FAM13C: variants seen among roughly 807,000 people sequenced by gnomAD.
FAM13C encodes the protein family with sequence similarity 13 member C.
FAM13C carries 37 observed loss-of-function variants against 73.2 expected under a neutral mutation model. The ratio of observed to expected loss-of-function variants is 0.51; its 90% CI spans 0.39 to 0.67. The LOEUF (loss-of-function observed/expected upper bound fraction) is 0.67, where lower values mean the gene tolerates loss of function less well. FAM13C is among the 30% of genes least tolerant of loss of function. The pLI is 0.00. For synonymous variants in FAM13C, 246 were observed against 260.9 expected (o/e 0.94, Z 0.55); for missense variants, 589 against 715.6 (o/e 0.82, Z 2.02).
intron 3 of FAM13C, among the ~76,000 whole-genome samples, chr10:59,349,738 G>A (rs746345155): frequency 3.3e-5 from 5 of 152,122 alleles, no homozygotes; most frequent in Non-Finnish European, 5.9e-5. Flanking sequence ...ACTCCAGCCT[G>A]GGTGACAGAG....
At chr10:59,357,528 TTGAG>T (rs1382928722) in intron 1 of FAM13C, among the ~76,000 whole-genome samples, 1 of 152,238 alleles carries the variant, frequency 6.6e-6, no homozygotes, top group East Asian at 1.9e-4. Context: ...CCAGCATTTA[TTGAG>T]TATTTACTGA....
At chr10:59,331,578 A>T (rs148624693) in intron 3 of FAM13C, among the ~76,000 whole-genome samples, 1 of 152,286 alleles carries the variant, frequency 6.6e-6, no homozygotes, top group Non-Finnish European at 1.5e-5. Context: ...TATTATAAGT[A>T]AGGCATGTTC....
chr10:59,269,849 T>C, intron 7 of FAM13C, 50 bp downstream of exon 7: 1 of 1,584,552 alleles, frequency 6.3e-7, no homozygotes. Context: ...ATAAATGTGG[T>C]ATTTGAAAAA....
intron 8 of FAM13C, among the ~76,000 whole-genome samples, chr10:59,266,834 T>G (rs1369487128): frequency 6.6e-6 from 1 of 152,180 alleles, no homozygotes; most frequent in African/African-American, 2.4e-5. Flanking sequence ...ACATGTACAA[T>G]TTTCCTTTAT....
At chr10:59,310,031 A>G (rs1848739028) in intron 4 of FAM13C, among the ~76,000 whole-genome samples, 1 of 152,212 alleles carries the variant, frequency 6.6e-6, no homozygotes, top group Admixed American at 6.5e-5. Flanking sequence ...GAGATCTATG[A>G]AAGATTAATT....
chr10:59,280,358 A>G (rs1399550644), intron 6 of FAM13C, among the ~76,000 whole-genome samples: 4 of 152,042 alleles, frequency 2.6e-5, no homozygotes, highest in Non-Finnish European at 4.4e-5. Context: ...CTATATCCCC[A>G]TCCCACTCAC....
At chr10:59,316,302 C>A in intron 4 of FAM13C, among the ~76,000 whole-genome samples, 1 of 152,152 alleles carries the variant, frequency 6.6e-6, no homozygotes, top group African/African-American at 2.4e-5. Context: ...GCCTAGACAA[C>A]TTTGACTTTT....
rs1050473263 is a variant in FAM13C, at chr10:59,352,367, A to C, written c.227T>G (p.Val76Gly). Residue 76 changes from valine to glycine, a missense_variant, in exon 3 of 14, where the codon GTG (valine) becomes GGG (glycine). Transcript: ENST00000618804. ...QQQNVEATVL[V>G]DSVLRPSMGN... ...CATGCTGGGTCGCAATACGCTGTCC[A>C]CCAGCACGGTCGCCTCTACATTCTG... 1 of 1,614,058 alleles carries C rather than the reference A, an allele frequency of 6.2e-7. No individual in the cohort carries two copies. The highest frequency in any genetic ancestry group is 8.5e-7 in the Non-Finnish European group (1 of 1,180,056).
intron 3 of FAM13C, among the ~76,000 whole-genome samples, chr10:59,332,733 C>T (rs56010907): frequency 0.014 from 2,057 of 152,234 alleles, 57 homozygotes; most frequent in African/African-American, 0.047. Flanking sequence ...TTAAATGGAA[C>T]AACTGGAGCA....
Position 59,262,515 on chromosome 10 carries a change from G to A in FAM13C, c.1155C>T (p.Ser385=). 1.2e-6 allele frequency: 2 copies of A among 1,613,744 alleles called. No individual in the cohort carries two copies. Among genetic ancestry groups the A allele is most frequent in the East Asian group, 2.2e-5 (1 of 44,870 alleles). Residue 385 remains serine (S), a synonymous_variant, in exon 10 of 14, where the codon TCC becomes TCT. Coordinates refer to ENST00000618804, the MANE Select transcript of FAM13C (RefSeq NM_198215.4). The part of the protein sequence containing the change: ...KPEAAGPEPS[S]SGEETPDAAL... ...CAGCATCTGGAGTCTCTTCTCCAGA[G>A]GAGCTTGGCTCCGGGCCCGCAGCTT...
At chr10:59,306,265 G>A (rs1848236699) in intron 4 of FAM13C, among the ~76,000 whole-genome samples, 1 of 152,170 alleles carries the variant, frequency 6.6e-6, no homozygotes, top group Non-Finnish European at 1.5e-5. Context: ...GTATATATTA[G>A]TGAGATATAG....
chr10:59,313,199 T>C (rs1322806602), intron 4 of FAM13C, among the ~76,000 whole-genome samples: 3 of 152,210 alleles, frequency 2.0e-5, no homozygotes, highest in Non-Finnish European at 4.4e-5. Flanking sequence ...CAGAAATCCA[T>C]GGACTAGGCC....
At chr10:59,308,310 C>A (rs1472439157) in intron 4 of FAM13C, among the ~76,000 whole-genome samples, 2 of 152,126 alleles carry the variant, frequency 1.3e-5, no homozygotes, top group East Asian at 3.9e-4. Context: ...ATCACCACCA[C>A]TACTACCACC....
At chr10:59,292,726 C>G (rs930735940) in intron 5 of FAM13C, among the ~76,000 whole-genome samples, 1 of 152,168 alleles carries the variant, frequency 6.6e-6, no homozygotes, top group African/African-American at 2.4e-5. Flanking sequence ...TGAATTGACA[C>G]ATAATAATTA....
chr10:59,304,094 G>A (rs936638401), intron 4 of FAM13C, among the ~76,000 whole-genome samples: 12 of 152,158 alleles, frequency 7.9e-5, no homozygotes, highest in African/African-American at 2.9e-4. Context: ...GTTGCAATAA[G>A]CTGAGATTGC....
At chr10:59,341,675 G>T (rs1485532809) in intron 3 of FAM13C, among the ~76,000 whole-genome samples, 1 of 151,982 alleles carries the variant, frequency 6.6e-6, no homozygotes, top group Non-Finnish European at 1.5e-5. Context: ...GGCAACAAGA[G>T]CAAAACTCCT....
At chr10:59,310,393 G>A (rs1489441640) in intron 4 of FAM13C, among the ~76,000 whole-genome samples, 4 of 152,162 alleles carry the variant, frequency 2.6e-5, no homozygotes, top group Non-Finnish European at 4.4e-5. Flanking sequence ...ACACAGACAA[G>A]ATGCCAATAA....
intron 5 of FAM13C, among the ~76,000 whole-genome samples, chr10:59,287,648 C>G (rs991767977): frequency 1.7e-4 from 26 of 152,134 alleles, no homozygotes; most frequent in African/African-American, 5.1e-4. Flanking sequence ...TATTCTGGGC[C>G]TTAATGTCCT....
chr10:59,264,311 T>C (rs1374625552), intron 8 of FAM13C, 145 bp from the exon 9 acceptor site: 2 of 614,900 alleles, frequency 3.3e-6, no homozygotes, highest in Non-Finnish European at 5.7e-6. Flanking sequence ...GGAGAGAAAT[T>C]CGGGTGTGAA....
Sources: gnomAD v4.1 joint callset for allele counts (sites outside exome capture counted in the v4.1 genomes callset) on GRCh38, gnomAD v4.1.1 for gene constraint, MANE v1.5 for transcripts, NCBI Gene and HGNC (gene_info 2026-07-23, HGNC 2026-07-21) for gene names.